TRPV6: variants seen among roughly 807,000 people sequenced by gnomAD.
TRPV6 encodes the protein transient receptor potential cation channel subfamily V member 6.
Under a neutral mutation model 79.0 loss-of-function variants are expected in TRPV6, and 39 were observed. That is an observed-to-expected ratio of 0.49 (90% CI 0.38 to 0.64). The LOEUF (loss-of-function observed/expected upper bound fraction) is 0.64, where lower values mean the gene tolerates loss of function less well. Among genes scored for constraint, TRPV6 ranks in the 30% least tolerant of loss-of-function variants. The pLI, the probability that TRPV6 is intolerant of heterozygous loss-of-function variation, is 0.00. For synonymous variants in TRPV6, 373 were observed against 391.9 expected (o/e 0.95, Z 0.57); for missense variants, 813 against 1,011.1 (o/e 0.80, Z 2.66).
At chr7:142,876,876 A>T in intron 4 of TRPV6, 39 bp from the exon 5 acceptor site, 1 of 1,610,136 alleles carries the variant, frequency 6.2e-7, no homozygotes, top group Non-Finnish European at 8.5e-7. Context: ...AGAGTGCAGG[A>T]TGGCAGGATG....
Position 142,871,811 on chromosome 7 carries a change from T to G in TRPV6, c.2194A>C (p.Ser732Arg). ...TGCCGAAGCCTTTCCCAATTGGCACTGCTGCGGGAGGTACTTCGAGACACT... is the reference window on the plus strand; with the variant it reads ...TGCCGAAGCCTTTCCCAATTGGCACGGCTGCGGGAGGTACTTCGAGACACT... The change falls in exon 15 of 15, where the codon AGT (serine) becomes CGT (arginine). Residue 732 changes from serine (S) to arginine (R), a missense_variant. Transcript: ENST00000359396. The G allele has an allele frequency of 6.2e-7, 1 of 1,614,218 alleles. No homozygotes were observed. Among genetic ancestry groups the G allele is most frequent in the Non-Finnish European group, 8.5e-7 (1 of 1,180,024 alleles).
In TRPV6 at chr7:142,874,066, AGAT is replaced by A; in HGVS notation, c.1639+7_1639+9del. ...CCTGCCATGGCCCCTGGTCCTGGACAGATGATTACCTGAAGCAAAGCCCAGGAT... is the reference window on the plus strand; with the variant it reads ...CCTGCCATGGCCCCTGGTCCTGGACAGATTACCTGAAGCAAAGCCCAGGAT... On this transcript the variant is annotated splice_region_variant and intron_variant, in intron 12 of 14. Transcript: ENST00000359396. 1 of 1,613,086 alleles carries A rather than the reference AGAT, an allele frequency of 6.2e-7. No homozygotes were observed. The highest frequency in any genetic ancestry group is 8.5e-7 in the Non-Finnish European group (1 of 1,179,528).
In TRPV6 at chr7:142,875,073, C is replaced by G. The variant is rs761400356; in HGVS notation, c.1329+5G>C. On this transcript the variant is annotated splice_donor_5th_base_variant and intron_variant, in intron 9 of 14. Transcript: ENST00000359396. The stretch of plus-strand genomic sequence containing the variant: ...AGCCTCACCCAGAGTCCATCCACAC[C>G]TCACCTCTACCAGCAGGATGATGAT... 6.2e-7 allele frequency: 1 copy of G among 1,614,194 alleles called. No homozygotes were observed. Among genetic ancestry groups the G allele is most frequent in the South Asian group, 1.1e-5 (1 of 91,082 alleles).
At chr7:142,874,033 A>G (rs764477955) in intron 12 of TRPV6, 43 bp downstream of exon 12, 25 of 1,601,952 alleles carry the variant, frequency 1.6e-5, no homozygotes, top group Middle Eastern at 1.6e-4. Flanking sequence ...AGACTTCCTC[A>G]TCTCTTCCCT....
intron 1 of TRPV6, chr7:142,878,480 T>C (rs562932188): frequency 1.1e-5 from 2 of 188,276 alleles, no homozygotes; most frequent in South Asian, 1.2e-4. Context: ...GGAATTCCTG[T>C]CTCATATTTG....
rs770170758 is a variant in TRPV6, at chr7:142,871,957, C to T, written c.2048G>A (p.Arg683Gln). The T allele has an allele frequency of 1.1e-5, 17 of 1,606,974 alleles. No homozygotes were observed. Among genetic ancestry groups the T allele is most frequent in the East Asian group, 2.2e-5 (1 of 44,786 alleles). The change falls in exon 15 of 15, where the codon CGG (arginine) becomes CAG (glutamine). Residue 683 changes from arginine (R) to glutamine (Q), a missense_variant. Physicochemically the swap from Arg to Gln is conservative, Grantham distance 43. Coordinates refer to ENST00000359396, the MANE Select transcript of TRPV6 (RefSeq NM_018646.6). ...GAAGGCCTGTGCGTAGCGTTGGATC[C>T]GCTGCCGGTTGAGATCTTGCCTGTC...
rs1011636176 is a variant in TRPV6 at position 142,885,480 on chromosome 7, G to T, written c.157C>A (p.Leu53Ile). 2 of 1,613,874 alleles carry T rather than the reference G, an allele frequency of 1.2e-6. No homozygotes were observed. The highest frequency in any genetic ancestry group is 2.2e-5 in the East Asian group (1 of 44,852). The stretch of plus-strand genomic sequence containing the variant: ...CTGCAGAACTTGCTCCATAGGCAGA[G>T]AATTAGCCCTTTCTCCTTGGGCAGT... The change falls in exon 1 of 15, where the codon CTC becomes ATC. Residue 53 changes from leucine (L) to isoleucine (I), a missense_variant. Physicochemically the swap from Leu to Ile is conservative, Grantham distance 5. Coordinates refer to ENST00000359396, the MANE Select transcript of TRPV6 (RefSeq NM_018646.6).
In TRPV6 at chr7:142,873,354, A is replaced by C; in HGVS notation, c.1908+94T>G. On this transcript the variant is annotated intron_variant, in intron 13 of 14. Coordinates refer to ENST00000359396, the MANE Select transcript of TRPV6 (RefSeq NM_018646.6). The surrounding 1 kb of genome is among the most constrained non-coding windows in gnomAD (Gnocchi z 4.8). ...GCTTTGCCACAACTGTCCAAACATAAGTGGGGTGGAGATATCCTGTCTCTC... is the reference window on the plus strand; with the variant it reads ...GCTTTGCCACAACTGTCCAAACATACGTGGGGTGGAGATATCCTGTCTCTC... 1 of 1,527,120 alleles carries C rather than the reference A, an allele frequency of 6.5e-7. No individual in the cohort carries two copies. The allele number at this position is 1,527,120 out of a possible 1,614,324, so 94.6% of individuals were successfully genotyped here.
At chr7:142,872,288 C>T (rs898735350) in intron 14 of TRPV6, 84 bp downstream of exon 14, 6 of 1,443,822 alleles carry the variant, frequency 4.2e-6, no homozygotes, top group Non-Finnish European at 5.7e-6. Flanking sequence ...CCACAGGGAA[C>T]CCAGGAGCCG....
At position 142,871,821 on chromosome 7, in the gene TRPV6, G is replaced by A; in HGVS notation, c.2184C>T (p.Thr728=). The change falls in exon 15 of 15, where the codon ACC becomes ACT. Residue 728 remains threonine (T), a synonymous_variant. Transcript: ENST00000359396. ...TTTCCCAATTGGCACTGCTGCGGGA[G>A]GTACTTCGAGACACTGAGGGCATAG... is the stretch of plus-strand genomic sequence containing the variant. The A allele has an allele frequency of 6.2e-7, 1 of 1,614,188 alleles. No individual in the cohort carries two copies. Among genetic ancestry groups the A allele is most frequent in the Non-Finnish European group, 8.5e-7 (1 of 1,180,032 alleles).
chr7:142,879,481 C>A (rs1358046948), intron 1 of TRPV6: 1 of 152,208 alleles, frequency 6.6e-6, no homozygotes, highest in Non-Finnish European at 1.5e-5. Context: ...TGAAATAACT[C>A]TATTTATCCA....
chr7:142,876,791 G>C lies in TRPV6; in HGVS notation c.654C>G (p.Ile218Met). 1 of 1,614,098 alleles carries C rather than the reference G, an allele frequency of 6.2e-7. No individual in the cohort carries two copies. The highest frequency in any genetic ancestry group is 1.3e-5 in the African/African-American group (1 of 74,998). Residue 218 changes from isoleucine to methionine, a missense_variant, in exon 5 of 15, where the codon ATC (isoleucine) becomes ATG (methionine). Around this residue, in one of 3 missense-constraint regions of TRPV6, gnomAD observed 555 missense variants for 631.0 expected, o/e 0.88. Coordinates refer to ENST00000359396, the MANE Select transcript of TRPV6 (RefSeq NM_018646.6). ...CTCCATGCTCAATGAGCAGCCGCAC[G>C]ATCTCCTCACTGTTCACACAGGCAG...
chr7:142,874,681 T>G, intron 10 of TRPV6, 25 bp from the exon 11 acceptor site: 2 of 1,606,722 alleles, frequency 1.2e-6, no homozygotes, highest in South Asian at 2.2e-5. Context: ...AGGAGGGTGA[T>G]GAGGGGAGGG....
In TRPV6 at chr7:142,885,369, G is replaced by A. The variant is rs776543733; in HGVS notation, c.248+20C>T. On this transcript the variant is annotated intron_variant, in intron 1 of 14. Transcript: ENST00000359396. ...CAGGCCTGGGGAGGTGGGGAAGGGA[G>A]CAGACCAAGGGGGCCTTACCTCTTC... The A allele has an allele frequency of 1.2e-6, 2 of 1,602,216 alleles. No individual in the cohort carries two copies. The highest frequency in any genetic ancestry group is 1.7e-6 in the Non-Finnish European group (2 of 1,173,242).
In TRPV6 at chr7:142,875,875, C is replaced by T; in HGVS notation, c.912G>A (p.Lys304=). Residue 304 remains lysine (K), a synonymous_variant, in exon 7 of 15, where the codon AAG becomes AAA. Transcript: ENST00000359396. Reference sequence around the variant, plus strand: ...GTGGTCCATACGTCCACTGGGTGTGCTTCCGCTTCTGCATCAGGTGCTGAA... The same window carrying T: ...GTGGTCCATACGTCCACTGGGTGTGTTTCCGCTTCTGCATCAGGTGCTGAA... The T allele has an allele frequency of 6.3e-6, 10 of 1,594,144 alleles. No individual in the cohort carries two copies. The highest frequency in any genetic ancestry group is 6.8e-6 in the Non-Finnish European group (8 of 1,171,768).
At chr7:142,883,091 C>T (rs1046452354) in intron 1 of TRPV6, 5 of 152,178 alleles carry the variant, frequency 3.3e-5, no homozygotes, top group Non-Finnish European at 7.3e-5. Context: ...TGAGAACTCC[C>T]TGAGAGCAGG....
In TRPV6 at chr7:142,875,777, A is replaced by G. The variant is rs1344363324; in HGVS notation, c.1010T>C (p.Ile337Thr). 5 of 1,605,484 alleles carry G rather than the reference A, an allele frequency of 3.1e-6. No individual in the cohort carries two copies. The highest frequency in any genetic ancestry group is 1.7e-5 in the Admixed American group (1 of 58,794). Residue 337 changes from isoleucine (I) to threonine (T), a missense_variant, in exon 7 of 15, where the codon ATC becomes ACC. Transcript: ENST00000359396. ...CCATACCTCCCGCTTCTTGGTGGTG[A>G]TGATAAGTTCCAGCAGGGACTGCTC...
At chr7:142,877,027 C>T in intron 4 of TRPV6, 115 bp downstream of exon 4, 1 of 1,470,374 alleles carries the variant, frequency 6.8e-7, no homozygotes, top group Non-Finnish European at 9.1e-7. Context: ...AGAAGGATTG[C>T]TCCTCCCAGC....
chr7:142,875,451 T>C lies in TRPV6; in HGVS notation c.1242+17A>G. 6.5e-7 allele frequency: 1 copy of C among 1,549,872 alleles called. No individual in the cohort carries two copies. The highest frequency in any genetic ancestry group is 1.2e-5 in the South Asian group (1 of 82,240). ...GCCAAGTCCTGCCCTGCTGATCTGC[T>C]CCTACAAGGGTGTCACCTGAAGTAG... is the stretch of plus-strand genomic sequence containing the variant. On this transcript the variant is annotated intron_variant, in intron 8 of 14. Coordinates refer to ENST00000359396, the MANE Select transcript of TRPV6 (RefSeq NM_018646.6).
Sources: gnomAD v4.1 joint callset for allele counts on GRCh38, gnomAD v4.1.1 for gene constraint, gnomAD v4.1.1 regional missense constraint, Gnocchi (gnomAD v3.1) non-coding constraint, MANE v1.5 for transcripts, NCBI Gene and HGNC (gene_info 2026-07-23, HGNC 2026-07-21) for gene names.